Variants in ZNF536 observed in about 807,000 individuals in gnomAD.
ZNF536 encodes the protein zinc finger protein 536.
In ZNF536, 13 loss-of-function variants were observed where a neutral mutation model predicts 84.5. That is an observed-to-expected ratio of 0.15 (90% CI 0.10 to 0.24). The LOEUF is 0.24. Among genes scored for constraint, ZNF536 ranks in the 10% least tolerant of loss-of-function variants. The pLI, the probability that ZNF536 is intolerant of heterozygous loss-of-function variation, is 1.00. For synonymous variants in ZNF536, 811 were observed against 742.5 expected, an observed-to-expected ratio of 1.09 and a Z score of -1.50; for missense variants, 1,536 against 1,747.5, an observed-to-expected ratio of 0.88 and a Z score of 2.16.
Position 30,310,239 on chromosome 19 carries a change from G to A in ZNF536, c.-120+26098G>A, listed in dbSNP as rs150571629. On this transcript the variant is annotated intron_variant, in intron 2 of 5. Coordinates refer to the ZNF536 transcript ENST00000585628. ...AACAGAACAATACTGTTGCTTCCCCGTTTCATTATAAAGTTTCTTTGACCC... is the reference window on the plus strand; with the variant it reads ...AACAGAACAATACTGTTGCTTCCCCATTTCATTATAAAGTTTCTTTGACCC... 3.3e-3 allele frequency among the ~76,000 whole-genome samples: 503 copies of A among 152,270 alleles called. 6 individuals carry two copies. Among genetic ancestry groups the A allele is most frequent in the Middle Eastern group, 0.01 (3 of 294 alleles).
intron 2 of ZNF536, among the ~76,000 whole-genome samples, chr19:30,343,994 C>T (rs185668406): frequency 7.8e-4 from 118 of 152,032 alleles, no homozygotes; most frequent in African/African-American, 2.6e-3. Context: ...GATGGCCATG[C>T]GAAAGTGTCA....
intron 1 of ZNF536, among the ~76,000 whole-genome samples, chr19:30,683,475 T>C (rs777647145): frequency 6.6e-5 from 10 of 152,226 alleles, no homozygotes; most frequent in Non-Finnish European, 1.2e-4. Flanking sequence ...CTGTTTGCAT[T>C]TGGAAAACCT....
intron 1 of ZNF536, among the ~76,000 whole-genome samples, chr19:30,273,237 C>A (rs925091017): frequency 6.6e-6 from 1 of 151,702 alleles, no homozygotes; most frequent in Non-Finnish European, 1.5e-5. Flanking sequence ...GTGTGTATAC[C>A]TAAGTTTCCA....
chr19:30,580,782 C>T (rs1056642093), intron 1 of ZNF536, among the ~76,000 whole-genome samples: 11 of 152,188 alleles, frequency 7.2e-5, no homozygotes, highest in Non-Finnish European at 1.5e-5. Flanking sequence ...TCACCAGGGT[C>T]TCCACAGTGG....
intron 2 of ZNF536, among the ~76,000 whole-genome samples, chr19:30,321,426 C>T (rs1246026915): frequency 6.6e-6 from 1 of 152,124 alleles, no homozygotes; most frequent in African/African-American, 2.4e-5. Context: ...GGCATGGTGA[C>T]ATGTGCCTGT....
chr19:30,287,413 G>A (rs1476172545), intron 2 of ZNF536, among the ~76,000 whole-genome samples: 1 of 151,612 alleles, frequency 6.6e-6, no homozygotes, highest in East Asian at 1.9e-4. Context: ...ATGGATGGAT[G>A]GATAGATGAA....
intron 1 of ZNF536, among the ~76,000 whole-genome samples, chr19:30,656,041 A>T (rs1409492541): frequency 1.5e-5 from 2 of 135,974 alleles, no homozygotes; most frequent in East Asian, 2.0e-4. Flanking sequence ...CGTGTTTCAT[A>T]AAAAAAAAAA....
intron 2 of ZNF536, among the ~76,000 whole-genome samples, chr19:30,518,759 TG>T (rs2145666316): frequency 6.6e-6 from 1 of 152,260 alleles, no homozygotes; most frequent in East Asian, 1.9e-4. Flanking sequence ...AGCTAAAGGT[TG>T]GGGGTGCCAC....
At chr19:30,587,527 A>G (rs1479566564) in intron 1 of ZNF536, among the ~76,000 whole-genome samples, 2 of 152,182 alleles carry the variant, frequency 1.3e-5, no homozygotes, top group African/African-American at 4.8e-5. Context: ...CCTAGCAGAC[A>G]TGGCAGGATC....
chr19:30,435,093 ATGATGGTGTGATGATGATGG>A (rs918382120), intron 1 of ZNF536, among the ~76,000 whole-genome samples: 4 of 140,270 alleles, frequency 2.9e-5, no homozygotes, highest in African/African-American at 1.1e-4. Flanking sequence ...GATGATGATC[ATGATGGTGTGATGATGATGG>A]TGATGGTGAT....
chr19:30,233,068 G>T (rs573527189), intron 1 of ZNF536, among the ~76,000 whole-genome samples: 1 of 152,322 alleles, frequency 6.6e-6, no homozygotes, highest in South Asian at 2.1e-4. Context: ...AAGTCCAGGG[G>T]GTTGGACTGT....
intron 2 of ZNF536, among the ~76,000 whole-genome samples, chr19:30,525,547 A>G (rs553224657): frequency 1.7e-4 from 26 of 152,276 alleles, no homozygotes; most frequent in African/African-American, 6.0e-4. Context: ...ACATTCTAGG[A>G]AGGGGACAGG....
intron 2 of ZNF536, among the ~76,000 whole-genome samples, chr19:30,489,427 T>TA (rs998295571): frequency 6.6e-6 from 1 of 151,790 alleles, no homozygotes. Flanking sequence ...AAAAAATTTT[T>TA]AAAAATTAGC....
intron 2 of ZNF536, among the ~76,000 whole-genome samples, chr19:30,311,957 A>G (rs1222219281): frequency 6.6e-6 from 1 of 152,142 alleles, no homozygotes; most frequent in African/African-American, 2.4e-5. Context: ...CAGCCCAGCT[A>G]CTTAGGAGGC....
chr19:30,315,372 G>C (rs2046644637), intron 2 of ZNF536, among the ~76,000 whole-genome samples: 1 of 152,184 alleles, frequency 6.6e-6, no homozygotes, highest in Admixed American at 6.5e-5. Context: ...AGACTTCCTG[G>C]AGGAGGTGGC....
chr19:30,538,370 T>C (rs1290457285), intron 3 of ZNF536, among the ~76,000 whole-genome samples: 1 of 152,246 alleles, frequency 6.6e-6, no homozygotes, highest in Non-Finnish European at 1.5e-5. Context: ...GCACCTTCTC[T>C]GTATTTTTTC....
chr19:30,436,115 C>T (rs2051734936), intron 1 of ZNF536, among the ~76,000 whole-genome samples: 1 of 152,174 alleles, frequency 6.6e-6, no homozygotes, highest in South Asian at 2.1e-4. Context: ...ATCCTGCTCA[C>T]TACTCAAGTC....
intron 1 of ZNF536, among the ~76,000 whole-genome samples, chr19:30,568,389 G>C (rs2046427324): frequency 6.6e-6 from 1 of 152,308 alleles, no homozygotes; most frequent in South Asian, 2.1e-4. Flanking sequence ...TCTGCACAAA[G>C]AGGAGTATAT....
At chr19:30,326,805 T>TTTTG (rs2047048994) in intron 2 of ZNF536, among the ~76,000 whole-genome samples, 1 of 132,880 alleles carries the variant, frequency 7.5e-6, no homozygotes, top group South Asian at 2.7e-4. Flanking sequence ...TTTTTTTTTT[T>TTTTG]TTTTTTTTTT....
Sources: allele counts gnomAD v4.1 joint callset (sites outside exome capture counted in the v4.1 genomes callset), GRCh38; gene constraint gnomAD v4.1.1; transcripts MANE v1.5; gene names NCBI Gene and HGNC (gene_info 2026-07-23, HGNC 2026-07-21).